Variants in PLEKHA2 observed in about 807,000 individuals in gnomAD.
PLEKHA2 encodes pleckstrin homology domain containing A2, also known as pleckstrin homology domain-containing family A member 2.
A neutral mutation model predicts 53.2 loss-of-function variants in PLEKHA2; 28 were observed. That is an observed-to-expected ratio of 0.53 (90% CI 0.39 to 0.72). The LOEUF (loss-of-function observed/expected upper bound fraction) is 0.72. PLEKHA2 is among the 30% of genes least tolerant of loss of function. The pLI, the probability that PLEKHA2 is intolerant of heterozygous loss-of-function variation, is 0.00. For synonymous variants in PLEKHA2, 193 were observed against 196.4 expected (o/e 0.98, Z 0.14); for missense variants, 426 against 537.9 (o/e 0.79, Z 2.06).
chr8:38,903,723 T>TA (rs1833828282), intron 1 of PLEKHA2, among the ~76,000 whole-genome samples: 1 of 152,176 alleles, frequency 6.6e-6, no homozygotes, highest in South Asian at 2.1e-4. Flanking sequence ...ATGCCCCTGC[T>TA]GAAAGGCTGG....
chr8:38,902,017 G>C (rs1166859356), intron 1 of PLEKHA2: 2 of 152,256 alleles, frequency 1.3e-5, no homozygotes, highest in Admixed American at 6.5e-5. Context: ...GTGCAGCCTG[G>C]ACTTCGGGCT....
intron 5 of PLEKHA2, among the ~76,000 whole-genome samples, chr8:38,947,258 G>A (rs1048728489): frequency 6.6e-6 from 1 of 152,084 alleles, no homozygotes; most frequent in Non-Finnish European, 1.5e-5. Context: ...TGGATCACCT[G>A]TGGCCAACAT....
intron 2 of PLEKHA2, among the ~76,000 whole-genome samples, chr8:38,935,520 G>T (rs1834477879): frequency 6.6e-6 from 1 of 151,714 alleles, no homozygotes. Flanking sequence ...CTGGGCTCCA[G>T]CAGTCCTGCC....
intron 2 of PLEKHA2, among the ~76,000 whole-genome samples, chr8:38,935,737 A>G (rs1026478695): frequency 1.3e-5 from 2 of 152,100 alleles, no homozygotes; most frequent in African/African-American, 4.8e-5. Context: ...CACTTTTACC[A>G]CTGTACTAGA....
intron 2 of PLEKHA2, among the ~76,000 whole-genome samples, chr8:38,924,788 C>T (rs1314760501): frequency 2.6e-5 from 4 of 152,166 alleles, no homozygotes; most frequent in Admixed American, 1.3e-4. Context: ...CAGAACACAG[C>T]GTGGGCCAGG....
rs932605402 is a variant in PLEKHA2 at position 38,940,658 on chromosome 8, G to C, written c.199-3131G>C. 1.2e-4 allele frequency among the ~76,000 whole-genome samples: 12 copies of C among 100,726 alleles called. No homozygotes were observed. The South Asian group carries it at 1.6e-3, about 14-fold the overall frequency. The allele number at this position is 100,726 out of a possible 152,430, so 66.1% of individuals were successfully genotyped here. A position where few individuals can be genotyped will look rare whatever the true frequency, so the allele number is the denominator to read the frequency against. On this transcript the variant is annotated intron_variant, in intron 3 of 11. Coordinates refer to ENST00000617275, the MANE Select transcript of PLEKHA2 (RefSeq NM_021623.2). ...GGTCCAGATTGAAGGGGCGGGGGGG[G>C]GGGGTCAGAAACCCAGGAAGCAAGA...
At chr8:38,958,621 G>A (rs771645000) in intron 10 of PLEKHA2, among the ~76,000 whole-genome samples, 22 of 152,224 alleles carry the variant, frequency 1.4e-4, no homozygotes, top group Non-Finnish European at 5.9e-5. Context: ...AGAGACAGCG[G>A]AGTGGGGGCT....
chr8:38,957,483 T>C, intron 10 of PLEKHA2, 97 bp downstream of exon 10: 1 of 1,095,944 alleles, frequency 9.1e-7, no homozygotes, highest in East Asian at 2.4e-5. Context: ...TTTCATTTGC[T>C]TGAAGTTTCT....
chr8:38,916,291 T>C (rs538504416), intron 1 of PLEKHA2, among the ~76,000 whole-genome samples: 1 of 152,346 alleles, frequency 6.6e-6, no homozygotes, highest in East Asian at 1.9e-4. Context: ...TTAGTTATTT[T>C]AAAATGTGCA....
At chr8:38,930,656 T>C (rs556959539) in intron 2 of PLEKHA2, among the ~76,000 whole-genome samples, 1 of 152,086 alleles carries the variant, frequency 6.6e-6, no homozygotes, top group Non-Finnish European at 1.5e-5. Flanking sequence ...CGGCATGGCA[T>C]GGCATGGCAC....
intron 2 of PLEKHA2, among the ~76,000 whole-genome samples, chr8:38,925,522 G>A (rs958677471): frequency 3.9e-5 from 6 of 152,172 alleles, no homozygotes; most frequent in African/African-American, 9.7e-5. Context: ...CAAAAAATAC[G>A]TAGTTGCTTT....
At chr8:38,923,894 G>A (rs1564115876) in intron 2 of PLEKHA2, among the ~76,000 whole-genome samples, 1 of 151,940 alleles carries the variant, frequency 6.6e-6, no homozygotes, top group Non-Finnish European at 1.5e-5. Flanking sequence ...CTCTGTTGCC[G>A]AGGATCCAGT....
intron 2 of PLEKHA2, among the ~76,000 whole-genome samples, chr8:38,929,048 A>C (rs1356021821): frequency 6.6e-6 from 1 of 152,032 alleles, no homozygotes; most frequent in Non-Finnish European, 1.5e-5. Flanking sequence ...TCAAATGTCT[A>C]CTCTGAGCTA....
chr8:38,958,177 A>C (rs1588274528), intron 10 of PLEKHA2, among the ~76,000 whole-genome samples: 1 of 152,120 alleles, frequency 6.6e-6, no homozygotes, highest in East Asian at 1.9e-4. Context: ...ATACAAAAAA[A>C]TTAGCTGGAC....
chr8:38,938,985 C>T (rs1446933719), intron 3 of PLEKHA2, among the ~76,000 whole-genome samples: 1 of 151,574 alleles, frequency 6.6e-6, no homozygotes, highest in African/African-American at 2.4e-5. Flanking sequence ...CTCACTTCAA[C>T]CTTTGCCTCC....
In PLEKHA2 at chr8:38,969,497, T is replaced by G; in HGVS notation, c.992T>G (p.Leu331Arg). The change falls in exon 12 of 12, where the codon CTG becomes CGG. Residue 331 changes from leucine (L) to arginine (R), a missense_variant. Physicochemically the swap from Leu to Arg is moderately radical, Grantham distance 102 (BLOSUM62 -2). Coordinates refer to ENST00000617275, the MANE Select transcript of PLEKHA2 (RefSeq NM_021623.2). ...CTTTCAAGTGGGCCCAACTCTATCC[T>G]GTGCAGGGGGCGGCCACCTTTGGAG... ...SSLSSGPNSI[L>R]CRGRPPLEEK... 6.2e-6 allele frequency: 10 copies of G among 1,613,886 alleles called. No individual in the cohort carries two copies. The highest frequency in any genetic ancestry group is 8.5e-6 in the Non-Finnish European group (10 of 1,179,826).
chr8:38,909,014 A>G (rs1043989344), intron 1 of PLEKHA2, among the ~76,000 whole-genome samples: 2 of 152,080 alleles, frequency 1.3e-5, no homozygotes, highest in African/African-American at 4.8e-5. Flanking sequence ...GTGGTGGTGC[A>G]CGCCTGTAGT....
intron 2 of PLEKHA2, among the ~76,000 whole-genome samples, chr8:38,933,747 G>T (rs1834435979): frequency 8.3e-6 from 1 of 121,074 alleles, no homozygotes; most frequent in East Asian, 2.1e-4. Flanking sequence ...GGGCTATAAG[G>T]CCTGTCTCTT....
At position 38,941,139 on chromosome 8, in the gene PLEKHA2, C is replaced by G. The variant is rs1834604635; in HGVS notation, c.199-2650C>G. ...TGGCGGGATCTCAGCTCACTGCAAC[C>G]TCCATCTCCCGGGTTCAAGCGATTC... On this transcript the variant is annotated intron_variant, in intron 3 of 11. Coordinates refer to ENST00000617275, the MANE Select transcript of PLEKHA2 (RefSeq NM_021623.2). 2.0e-5 allele frequency among the ~76,000 whole-genome samples: 3 copies of G among 151,514 alleles called. 1 individual carries two copies. In the South Asian group the frequency reaches 6.2e-4, roughly 31 times the overall value.
Sources: gnomAD v4.1 joint callset for allele counts (sites outside exome capture counted in the v4.1 genomes callset) on GRCh38, gnomAD v4.1.1 for gene constraint, MANE v1.5 for transcripts, NCBI Gene and HGNC (gene_info 2026-07-23, HGNC 2026-07-21) for gene names.